The following GATB variants were observed in gnomAD, a reference collection of about 807,000 sequenced individuals.
The protein encoded by GATB is glutamyl-tRNA(Gln) amidotransferase subunit B, mitochondrial.
Under a neutral mutation model 62.3 loss-of-function variants are expected in GATB, and 39 were observed. That is an observed-to-expected ratio of 0.63 (90% CI 0.48 to 0.82). The LOEUF (loss-of-function observed/expected upper bound fraction) is 0.82. Among genes scored for constraint, GATB ranks in the 40% least tolerant of loss-of-function variants. The pLI is 0.00. For synonymous variants in GATB, 276 were observed against 258.9 expected (o/e 1.07, Z -0.63); for missense variants, 670 against 684.0 (o/e 0.98, Z 0.23).
At chr4:151,758,636 A>C in intron 2 of GATB, 136 bp downstream of exon 2, 1 of 679,196 alleles carries the variant, frequency 1.5e-6, no homozygotes. Flanking sequence ...CATTTAATAT[A>C]TCCCGCTTCA....
At chr4:151,679,986 G>A (rs1738102894) in intron 10 of GATB, 95 bp from the exon 11 acceptor site, 2 of 1,060,926 alleles carry the variant, frequency 1.9e-6, no homozygotes, top group African/African-American at 1.6e-5. Context: ...CTCTAGTGGG[G>A]GTAAATATCG....
chr4:151,746,747 A>C (rs1430532940), intron 2 of GATB, among the ~76,000 whole-genome samples: 1 of 152,210 alleles, frequency 6.6e-6, no homozygotes, highest in East Asian at 1.9e-4. Flanking sequence ...AGGGTTACTA[A>C]TCAGAACGGG....
At chr4:151,697,989 A>ATATG (rs1738522523) in intron 9 of GATB, among the ~76,000 whole-genome samples, 1 of 141,062 alleles carries the variant, frequency 7.1e-6, no homozygotes. Context: ...ATATATATAT[A>ATATG]TATATGAAAT....
At chr4:151,721,999 T>G in intron 2 of GATB, 1 of 574,870 alleles carries the variant, frequency 1.7e-6, no homozygotes, top group Non-Finnish European at 3.1e-6. Flanking sequence ...TTAGAAGCCA[T>G]GAAGTACTTC....
chr4:151,727,514 T>A (rs1393150070), intron 2 of GATB, among the ~76,000 whole-genome samples: 1 of 152,214 alleles, frequency 6.6e-6, no homozygotes, highest in Admixed American at 6.5e-5. Flanking sequence ...AGACTGGGTG[T>A]GTAGATTAAC....
At chr4:151,710,181 T>C (rs1560852622) in intron 5 of GATB, among the ~76,000 whole-genome samples, 1 of 152,176 alleles carries the variant, frequency 6.6e-6, no homozygotes, top group Non-Finnish European at 1.5e-5. Flanking sequence ...CCTCCATCTT[T>C]AAGACCAGAA....
chr4:151,728,809 A>G (rs1466252146), intron 2 of GATB, among the ~76,000 whole-genome samples: 5 of 152,248 alleles, frequency 3.3e-5, no homozygotes, highest in African/African-American at 1.2e-4. Flanking sequence ...AAGTTGAAAG[A>G]TTTGACTATT....
At chr4:151,715,306 T>C (rs1738892224) in intron 5 of GATB, among the ~76,000 whole-genome samples, 1 of 152,092 alleles carries the variant, frequency 6.6e-6, no homozygotes, top group Admixed American at 6.6e-5. Context: ...CAGGAGAAAA[T>C]GATAGCAGAG....
intron 5 of GATB, among the ~76,000 whole-genome samples, chr4:151,710,705 G>C (rs980939182): frequency 1.3e-5 from 2 of 152,114 alleles, no homozygotes; most frequent in African/African-American, 2.4e-5. Flanking sequence ...GCTGCCTTTT[G>C]CTCCCAGTTT....
At chr4:151,702,724 A>G (rs1460411677) in intron 8 of GATB, among the ~76,000 whole-genome samples, 1 of 152,208 alleles carries the variant, frequency 6.6e-6, no homozygotes, top group Admixed American at 6.5e-5. Flanking sequence ...TAATCTTATG[A>G]AACAAGATGT....
chr4:151,716,374 T>G, intron 4 of GATB: 1 of 439,464 alleles, frequency 2.3e-6, no homozygotes, highest in African/African-American at 2.0e-5. Flanking sequence ...CCCTGAACTT[T>G]TGAGCTCAAG....
At chr4:151,705,313 T>C in intron 6 of GATB, 44 bp from the exon 7 acceptor site, 2 of 1,197,532 alleles carry the variant, frequency 1.7e-6, no homozygotes, top group South Asian at 1.2e-5. Context: ...TGATTATACC[T>C]TTCATCCAGT....
At chr4:151,691,943 C>G (rs924437200) in intron 9 of GATB, among the ~76,000 whole-genome samples, 2 of 152,170 alleles carry the variant, frequency 1.3e-5, no homozygotes, top group African/African-American at 4.8e-5. Flanking sequence ...CCAGATGAGC[C>G]ATTCTGGGCT....
intron 2 of GATB, among the ~76,000 whole-genome samples, chr4:151,746,563 T>A (rs961431929): frequency 1.8e-4 from 27 of 152,160 alleles, no homozygotes; most frequent in Non-Finnish European, 5.9e-5. Flanking sequence ...TGAAGCTGAA[T>A]CCCTACTAAT....
At chr4:151,751,416 C>T (rs1421958782) in intron 2 of GATB, among the ~76,000 whole-genome samples, 1 of 152,144 alleles carries the variant, frequency 6.6e-6, no homozygotes, top group African/African-American at 2.4e-5. Flanking sequence ...AACACAAATA[C>T]AATCCCACAT....
intron 9 of GATB, among the ~76,000 whole-genome samples, chr4:151,696,210 T>C (rs762143732): frequency 2.0e-5 from 3 of 152,230 alleles, no homozygotes; most frequent in Non-Finnish European, 4.4e-5. Context: ...AAAATAGACA[T>C]GATTTCTGCT....
At chr4:151,713,071 A>G (rs1408583529) in intron 5 of GATB, among the ~76,000 whole-genome samples, 1 of 152,016 alleles carries the variant, frequency 6.6e-6, no homozygotes, top group African/African-American at 2.4e-5. Context: ...CACGAACCCT[A>G]TTGTGAACTG....
chr4:151,738,176 C>A (rs1256645818), intron 2 of GATB, among the ~76,000 whole-genome samples: 1 of 152,176 alleles, frequency 6.6e-6, no homozygotes, highest in African/African-American at 2.4e-5. Context: ...GGAGACTGTA[C>A]CCTGCAAAAC....
chr4:151,746,292 C>T (rs1457566887), intron 2 of GATB, among the ~76,000 whole-genome samples: 1 of 152,144 alleles, frequency 6.6e-6, no homozygotes, highest in Non-Finnish European at 1.5e-5. Context: ...TATTACTTGG[C>T]CAATTATGAA....
Sources: gnomAD v4.1 joint callset for allele counts (sites outside exome capture counted in the v4.1 genomes callset) on GRCh38, gnomAD v4.1.1 for gene constraint, MANE v1.5 for transcripts, NCBI Gene and HGNC (gene_info 2026-07-23, HGNC 2026-07-21) for gene names.